Variants in RANBP2 observed in about 807,000 individuals in gnomAD.
The protein encoded by RANBP2 is RAN binding protein 2.
A neutral mutation model predicts 303.6 loss-of-function variants in RANBP2; 57 were observed. The observed-to-expected ratio is 0.19, with a 90% confidence interval of 0.15 to 0.23. RANBP2 has a LOEUF of 0.23. RANBP2 is among the 10% of genes least tolerant of loss of function. RANBP2 has a pLI of 1.00. For missense variants in RANBP2, 3,138 were observed against 3,780.8 expected (o/e 0.83, Z 4.46); for synonymous variants, 1,167 against 1,301.5 (o/e 0.90, Z 2.23).
At chr2:109,685,788 G>A in the RANBP2 span, among the ~76,000 whole-genome samples, 18 of 152,168 alleles carry the variant, frequency 1.2e-4, no homozygotes, top group Admixed American at 9.2e-4. Flanking sequence ...AAACAAAGGA[G>A]GAAATGGTTC....
the RANBP2 span, among the ~76,000 whole-genome samples, chr2:108,926,138 A>G: frequency 6.6e-6 from 1 of 152,192 alleles, no homozygotes. Context: ...CTGCACAGCA[A>G]CAAAGAACAT....
At chr2:109,614,336 T>G in the RANBP2 span, 23 of 670,094 alleles carry the variant, frequency 3.4e-5, no homozygotes, top group Non-Finnish European at 1.0e-5. Flanking sequence ...CGCGGCCCAG[T>G]GAGGCGGTGG....
chr2:108,794,037 A>G, the RANBP2 span, among the ~76,000 whole-genome samples: 1 of 152,318 alleles, frequency 6.6e-6, no homozygotes, highest in African/African-American at 2.4e-5. Flanking sequence ...TATACAGTGA[A>G]GATTTGTGAA....
the RANBP2 span, among the ~76,000 whole-genome samples, chr2:109,622,644 T>C: frequency 2.0e-5 from 3 of 152,156 alleles, no homozygotes; most frequent in Admixed American, 6.5e-5. Flanking sequence ...TATATTTCTT[T>C]GTTTAGGCTC....
At chr2:108,832,599 T>C in the RANBP2 span, among the ~76,000 whole-genome samples, 5 of 152,176 alleles carry the variant, frequency 3.3e-5, no homozygotes, top group African/African-American at 9.6e-5. Context: ...ATTTCCAACA[T>C]GTTCCCAAGT....
chr2:108,966,825 G>C, the RANBP2 span, among the ~76,000 whole-genome samples: 1 of 152,204 alleles, frequency 6.6e-6, no homozygotes, highest in African/African-American at 2.4e-5. Flanking sequence ...ACTATTCTTG[G>C]CTAAACTGCT....
rs138483682 is a variant in RANBP2 at position 108,764,926 on chromosome 2, G to T, written c.4387G>T (p.Asp1463Tyr). 19 of 1,614,016 alleles carry T rather than the reference G, an allele frequency of 1.2e-5. No homozygotes were observed. In the African/African-American group the frequency reaches 2.4e-4, roughly 20 times the overall value. ...HQASFKFGQG[D>Y]LPKPINSDFR... is the part of the protein sequence containing the mutation. ...AGCTTCATTTAAATTTGGCCAGGGA[G>T]ATCTTCCTAAACCTATTAACAGTGA... The change falls in exon 20 of 29, where the codon GAT becomes TAT. Residue 1463 changes from aspartate to tyrosine, a missense_variant. Around this residue, in one of 20 missense-constraint regions of RANBP2, gnomAD observed 388 missense variants for 328.5 expected, o/e 1.18. Transcript: ENST00000283195.
At chr2:108,846,510 T>C in the RANBP2 span, among the ~76,000 whole-genome samples, 1 of 149,666 alleles carries the variant, frequency 6.7e-6, no homozygotes, top group Non-Finnish European at 1.5e-5. Context: ...GAGACCCATC[T>C]CTACCGAAAA....
the RANBP2 span, chr2:108,929,298 T>G: frequency 1.2e-6 from 2 of 1,614,176 alleles, no homozygotes; most frequent in Non-Finnish European, 1.7e-6. Flanking sequence ...CGCCTGCATA[T>G]CTGGTAGCCT....
intron 1 of RANBP2, among the ~76,000 whole-genome samples, chr2:108,720,713 A>C (rs1694165818): frequency 6.6e-6 from 1 of 152,262 alleles, no homozygotes; most frequent in African/African-American, 2.4e-5. Context: ...GACACATAGC[A>C]CTAAATGTTA....
At chr2:108,776,979 G>C (rs747836809) in intron 24 of RANBP2, 151 bp from the exon 25 acceptor site, 33 of 635,236 alleles carry the variant, frequency 5.2e-5, no homozygotes, top group African/African-American at 4.2e-4. Context: ...AAGTAGCTCA[G>C]AATTGGATGT....
intron 25 of RANBP2, among the ~76,000 whole-genome samples, chr2:108,780,968 C>T (rs1678216859): frequency 6.6e-6 from 1 of 152,096 alleles, no homozygotes; most frequent in Non-Finnish European, 1.5e-5. Flanking sequence ...CTCGGCCTCA[C>T]AAAGTGCTGG....
chr2:109,408,801 T>C, the RANBP2 span, among the ~76,000 whole-genome samples: 2 of 152,236 alleles, frequency 1.3e-5, no homozygotes, highest in African/African-American at 2.4e-5. Context: ...TGGATGAATA[T>C]TGTGCCTTTT....
the RANBP2 span, among the ~76,000 whole-genome samples, chr2:109,633,068 T>A: frequency 1.3e-5 from 2 of 152,152 alleles, no homozygotes; most frequent in South Asian, 2.1e-4. Context: ...AATTTTTTTT[T>A]AAAGTTTTGA....
the RANBP2 span, among the ~76,000 whole-genome samples, chr2:109,221,678 A>G: frequency 6.6e-6 from 1 of 152,098 alleles, no homozygotes; most frequent in Non-Finnish European, 1.5e-5. Context: ...GTCTTTTGAG[A>G]AATGTCTCTT....
At chr2:109,392,783 GA>G in the RANBP2 span, among the ~76,000 whole-genome samples, 17 of 152,244 alleles carry the variant, frequency 1.1e-4, no homozygotes, top group South Asian at 3.3e-3. Context: ...CCAAAGTGCT[GA>G]GATTACAGGC....
the RANBP2 span, among the ~76,000 whole-genome samples, chr2:109,319,140 T>C: frequency 1.3e-5 from 2 of 152,152 alleles, no homozygotes; most frequent in African/African-American, 4.8e-5. Context: ...TCTGCCTAGA[T>C]GGGGGCATGG....
chr2:109,603,254 T>G, the RANBP2 span, among the ~76,000 whole-genome samples: 1 of 152,028 alleles, frequency 6.6e-6, no homozygotes, highest in African/African-American at 2.4e-5. Flanking sequence ...TTTTTTTTTT[T>G]GAGACAGTCT....
intron 15 of RANBP2, 143 bp downstream of exon 15, chr2:108,754,114 G>C: frequency 6.3e-7 from 1 of 1,582,656 alleles, no homozygotes; most frequent in South Asian, 1.1e-5. Context: ...GTGTCTAAAT[G>C]CTTATATTTG....
Sources: allele counts gnomAD v4.1 joint callset (sites outside exome capture counted in the v4.1 genomes callset), GRCh38; gene constraint gnomAD v4.1.1; regional missense constraint gnomAD v4.1.1; transcripts MANE v1.5; gene names NCBI Gene and HGNC (gene_info 2026-07-23, HGNC 2026-07-21).